IFT172: variants seen among roughly 807,000 people sequenced by gnomAD.
The protein encoded by IFT172 is intraflagellar transport 172, also known as intraflagellar transport protein 172 homolog.
A neutral mutation model predicts 248.9 loss-of-function variants in IFT172; 164 were observed. The ratio of observed to expected loss-of-function variants is 0.66; its 90% CI spans 0.58 to 0.75. IFT172 has a LOEUF of 0.75. Among genes scored for constraint, IFT172 ranks in the 30% least tolerant of loss-of-function variants. The probability of loss-of-function intolerance (pLI) is 0.00; values close to 1 mark genes in which losing one functional copy is unlikely to be tolerated. For missense variants in IFT172, 1,950 were observed against 2,192.4 expected, an observed-to-expected ratio of 0.89 and a Z score of 2.21; for synonymous variants, 729 against 791.6, an observed-to-expected ratio of 0.92 and a Z score of 1.33.
At chr2:27,488,940 G>C (rs1668961575) in intron 1 of IFT172, among the ~76,000 whole-genome samples, 1 of 152,266 alleles carries the variant, frequency 6.6e-6, no homozygotes, top group African/African-American at 2.4e-5. Flanking sequence ...TACTTGGGAG[G>C]CTATGGCAGG....
rs1470008227 is a variant in IFT172, at chr2:27,481,035, A to G, written c.785+11T>C. Reference sequence around the variant, plus strand: ...AAGTAGGCAGTAGATAAAACTGGAAAGGGGACTTACCTGTCATAACTTCCT... The same window carrying G: ...AAGTAGGCAGTAGATAAAACTGGAAGGGGGACTTACCTGTCATAACTTCCT... On this transcript the variant is annotated intron_variant, in intron 8 of 47. Coordinates refer to ENST00000260570, the MANE Select transcript of IFT172 (RefSeq NM_015662.3). 1.2e-6 allele frequency: 2 copies of G among 1,607,594 alleles called. No individual in the cohort carries two copies. Among genetic ancestry groups the G allele is most frequent in the Admixed American group, 1.7e-5 (1 of 59,976 alleles).
intron 16 of IFT172, among the ~76,000 whole-genome samples, chr2:27,466,855 A>G (rs538477741): frequency 4.8e-5 from 7 of 146,872 alleles, no homozygotes; most frequent in African/African-American, 1.7e-4. Context: ...CTACTGAAAG[A>G]AAAAAAAAAA....
At chr2:27,465,263 T>G in intron 18 of IFT172, 148 bp downstream of exon 18, 1 of 669,782 alleles carries the variant, frequency 1.5e-6, no homozygotes, top group Non-Finnish European at 2.7e-6. Context: ...GTTTGGAATA[T>G]TGTACTGCAG....
In IFT172 at chr2:27,461,812, T is replaced by C; in HGVS notation, c.2140A>G (p.Met714Val). Reference protein sequence around the residue: ...EQNAVEEAMGMYQELHRWDEC... With the variant: ...EQNAVEEAMGVYQELHRWDEC... ...TCCCAACGGTGTAGCTCCTGGTACA[T>C]GCCCATGGCCTCCTCCACAGCATTC... The change falls in exon 21 of 48, where the codon ATG (methionine) becomes GTG (valine). Residue 714 changes from methionine to valine, a missense_variant. By Grantham distance (21) the Met-to-Val change is conservative. Coordinates refer to ENST00000260570, the MANE Select transcript of IFT172 (RefSeq NM_015662.3). 1 of 1,614,142 alleles carries C rather than the reference T, an allele frequency of 6.2e-7. No individual in the cohort carries two copies. The highest frequency in any genetic ancestry group is 1.1e-5 in the South Asian group (1 of 91,078).
rs777862424 is a variant in IFT172 at position 27,481,181 on chromosome 2, C to T, written c.650G>A (p.Arg217Gln). The change falls in exon 8 of 48, where the codon CGG becomes CAG. Residue 217 changes from arginine to glutamine, a missense_variant. Physicochemically the swap from Arg to Gln is conservative, Grantham distance 43. Coordinates refer to ENST00000260570, the MANE Select transcript of IFT172 (RefSeq NM_015662.3). ...TTCTTTTCCATAGGCTACAATTTTC[C>T]GATCACAGCCTGCAGCCACGATGCT... ...TNSIVAAGCD[R>Q]KIVAYGKEGH... is the part of the protein sequence containing the mutation. 52 of 1,613,056 alleles carry T rather than the reference C, an allele frequency of 3.2e-5. No individual in the cohort carries two copies. The highest frequency in any genetic ancestry group is 4.0e-5 in the Non-Finnish European group (47 of 1,180,002).
chr2:27,461,460 G>C lies in IFT172; in HGVS notation c.2251C>G (p.Gln751Glu). The C allele has an allele frequency of 6.2e-7, 1 of 1,614,150 alleles. No individual in the cohort carries two copies. Among genetic ancestry groups the C allele is most frequent in the African/African-American group, 1.3e-5 (1 of 75,044 alleles). The part of the protein sequence containing the change: ...RSYYQWLMDT[Q>E]QEERAGELQE... ...AGTTCACCTGCTCGCTCCTCTTGCTGTGTGTCCATCAGCCACTGGTAGTAA... is the reference window on the plus strand; with the variant it reads ...AGTTCACCTGCTCGCTCCTCTTGCTCTGTGTCCATCAGCCACTGGTAGTAA... Residue 751 changes from glutamine to glutamate, a missense_variant, in exon 22 of 48, where the codon CAG (glutamine) becomes GAG (glutamate). By Grantham distance (29) the Gln-to-Glu change is conservative. Coordinates refer to ENST00000260570, the MANE Select transcript of IFT172 (RefSeq NM_015662.3).
At chr2:27,450,741 C>T (rs1665585058) in intron 35 of IFT172, among the ~76,000 whole-genome samples, 1 of 152,042 alleles carries the variant, frequency 6.6e-6, no homozygotes, top group Non-Finnish European at 1.5e-5. Flanking sequence ...CAGGCACCCA[C>T]CACCATGCCC....
In IFT172 at chr2:27,461,615, T is replaced by A. The variant is rs1440183767; in HGVS notation, c.2194-98A>T. Reference sequence around the variant, plus strand: ...CCCTCTATAACAAGGGGAATCCTCCTGGGTCAGCAGTATCCTAACTCCTCA... The same window carrying A: ...CCCTCTATAACAAGGGGAATCCTCCAGGGTCAGCAGTATCCTAACTCCTCA... On this transcript the variant is annotated intron_variant, in intron 21 of 47. Coordinates refer to ENST00000260570, the MANE Select transcript of IFT172 (RefSeq NM_015662.3). The A allele has an allele frequency of 2.6e-6, 4 of 1,524,558 alleles. No homozygotes were observed. In the Admixed American group the frequency reaches 6.8e-5, roughly 26 times the overall value. The allele number at this position is 1,524,558 out of a possible 1,614,324, so 94.4% of individuals were successfully genotyped here. A position where few individuals can be genotyped will look rare whatever the true frequency, so the allele number is the denominator to read the frequency against.
chr2:27,446,988 C>A (rs1030725882), intron 42 of IFT172, among the ~76,000 whole-genome samples: 1 of 151,946 alleles, frequency 6.6e-6, no homozygotes, highest in Non-Finnish European at 1.5e-5. Context: ...CGTGAGCCAC[C>A]GCGCCCGGCC....
At chr2:27,487,933 C>T (rs1668881601) in intron 1 of IFT172, among the ~76,000 whole-genome samples, 1 of 151,978 alleles carries the variant, frequency 6.6e-6, no homozygotes, top group South Asian at 2.1e-4. Context: ...AACCATAATC[C>T]CAATTTCTTT....
At chr2:27,452,261 A>C (rs1665746522) in intron 35 of IFT172, among the ~76,000 whole-genome samples, 1 of 152,160 alleles carries the variant, frequency 6.6e-6, no homozygotes, top group Admixed American at 6.5e-5. Context: ...AAACTGGGAC[A>C]CTGGCTTTTT....
intron 35 of IFT172, among the ~76,000 whole-genome samples, chr2:27,452,282 G>A (rs190378078): frequency 2.0e-3 from 306 of 152,246 alleles, no homozygotes; most frequent in Middle Eastern, 6.8e-3. Context: ...CCTGCCTTCA[G>A]ATTTGAACTG....
intron 40 of IFT172, among the ~76,000 whole-genome samples, chr2:27,448,275 ATT>A (rs548995575): frequency 7.1e-4 from 108 of 151,860 alleles, no homozygotes; most frequent in African/African-American, 2.4e-3. Flanking sequence ...AACTTTTTAT[ATT>A]TTTAGTAGAG....
rs1665003591 is a variant in IFT172, at chr2:27,445,596, AC to A, written c.4914+148del. The A allele has an allele frequency of 7.7e-7, 1 of 1,296,000 alleles. No homozygotes were observed. The highest frequency in any genetic ancestry group is 2.3e-5 in the Admixed American group (1 of 42,596). The allele number at this position is 1,296,000 out of a possible 1,614,324, so 80.3% of individuals were successfully genotyped here. On this transcript the variant is annotated intron_variant, in intron 45 of 47. Coordinates refer to ENST00000260570, the MANE Select transcript of IFT172 (RefSeq NM_015662.3). The surrounding 1 kb of genome is among the most constrained non-coding windows in gnomAD (Gnocchi z 4.4). ...CCTCCTTGGATTGGGGGATGCAGTC[AC>A]AGCCTTTTCTTTCTATTTTGCTTCT...
chr2:27,447,960 T>A (rs1426662563), intron 40 of IFT172, 38 bp from the exon 41 acceptor site: 7 of 1,268,422 alleles, frequency 5.5e-6, no homozygotes, highest in Non-Finnish European at 8.1e-6. Flanking sequence ...GAGAAGGGCA[T>A]AGCTAGAAGA....
chr2:27,477,686 G>T (rs1668068918), intron 11 of IFT172, 74 bp from the exon 12 acceptor site: 1 of 1,081,266 alleles, frequency 9.2e-7, no homozygotes, highest in Non-Finnish European at 1.4e-6. Flanking sequence ...AAGAATGACA[G>T]GTTGGGAAGT....
At chr2:27,446,659 G>A (rs911611796) in intron 42 of IFT172, among the ~76,000 whole-genome samples, 5 of 141,928 alleles carry the variant, frequency 3.5e-5, no homozygotes, top group Non-Finnish European at 4.5e-5. Flanking sequence ...GACTACAAGC[G>A]CACATTACCA....
At chr2:27,467,681 T>C (rs1347115559) in intron 16 of IFT172, among the ~76,000 whole-genome samples, 1 of 142,734 alleles carries the variant, frequency 7.0e-6, no homozygotes, top group East Asian at 2.1e-4. Flanking sequence ...AAAGAAACTA[T>C]GAAAGAGAAA....
intron 3 of IFT172, among the ~76,000 whole-genome samples, chr2:27,484,734 G>A (rs1377621746): frequency 6.6e-6 from 1 of 152,130 alleles, no homozygotes; most frequent in Non-Finnish European, 1.5e-5. Context: ...GGTATATGAG[G>A]GAGCCTAAGC....
Sources: allele counts gnomAD v4.1 joint callset (sites outside exome capture counted in the v4.1 genomes callset), GRCh38; gene constraint gnomAD v4.1.1; non-coding constraint Gnocchi (gnomAD v3.1); transcripts MANE v1.5; gene names NCBI Gene and HGNC (gene_info 2026-07-23, HGNC 2026-07-21).